Variants in MTUS2 observed in about 807,000 individuals in gnomAD.
MTUS2 encodes microtubule-associated tumor suppressor candidate 2.
MTUS2 carries 40 observed loss-of-function variants against 114.1 expected under a neutral mutation model. That is an observed-to-expected ratio of 0.35 (90% CI 0.27 to 0.46). The LOEUF (loss-of-function observed/expected upper bound fraction) is 0.46, where lower values mean the gene tolerates loss of function less well. Among genes scored for constraint, MTUS2 ranks in the 20% least tolerant of loss-of-function variants. The pLI, the probability that MTUS2 is intolerant of heterozygous loss-of-function variation, is 1.00. For synonymous variants in MTUS2, 688 were observed against 672.0 expected (o/e 1.02, Z -0.37); for missense variants, 1,679 against 1,705.4 (o/e 0.98, Z 0.27).
chr13:29,033,510 A>C (rs751650831), intron 3 of MTUS2, among the ~76,000 whole-genome samples: 1 of 152,168 alleles, frequency 6.6e-6, no homozygotes, highest in African/African-American at 2.4e-5. Context: ...CACAGGTATA[A>C]TAAAACTTTC....
Position 29,503,313 on chromosome 13 carries a change from A to G in MTUS2, c.*107A>G. On this transcript the variant is annotated 3_prime_UTR_variant, in exon 16 of 16. Transcript: ENST00000612955. ...AGCTGGCCCTGTGCGCATGCTCAGTAGCTGCGAATGCATCCTAGGCGCGTC... is the reference window on the plus strand; with the variant it reads ...AGCTGGCCCTGTGCGCATGCTCAGTGGCTGCGAATGCATCCTAGGCGCGTC... 8.0e-7 allele frequency: 1 copy of G among 1,257,004 alleles called. No individual in the cohort carries two copies. The highest frequency in any genetic ancestry group is 1.9e-5 in the Admixed American group (1 of 51,394). 77.9% of individuals were successfully genotyped at this position (1,257,004 alleles called of 1,614,324 possible).
chr13:28,944,974 C>T (rs1882440730), intron 2 of MTUS2, among the ~76,000 whole-genome samples: 1 of 152,164 alleles, frequency 6.6e-6, no homozygotes, highest in Non-Finnish European at 1.5e-5. Flanking sequence ...CTCACCCCCT[C>T]CCACCCTTAA....
chr13:28,820,901 C>T (rs1873852394), intron 1 of MTUS2, among the ~76,000 whole-genome samples: 1 of 152,188 alleles, frequency 6.6e-6, no homozygotes, highest in Non-Finnish European at 1.5e-5. Context: ...CTACCCACCC[C>T]CAGCTTTGGA....
chr13:28,839,225 A>G (rs1280699893), intron 1 of MTUS2, among the ~76,000 whole-genome samples: 1 of 152,186 alleles, frequency 6.6e-6, no homozygotes, highest in East Asian at 1.9e-4. Flanking sequence ...TTTTGAATTG[A>G]AATTTTCTTA....
intron 2 of MTUS2, among the ~76,000 whole-genome samples, chr13:28,879,749 A>G (rs544070565): frequency 7.2e-5 from 11 of 152,160 alleles, no homozygotes; most frequent in African/African-American, 2.7e-4. Context: ...TGGGAGGGAA[A>G]ACTCTCTAAA....
intron 8 of MTUS2, among the ~76,000 whole-genome samples, chr13:29,374,312 G>T (rs1452292658): frequency 1.3e-5 from 2 of 151,478 alleles, no homozygotes; most frequent in Admixed American, 6.6e-5. Flanking sequence ...TCCCAAATTT[G>T]TTGAAAGAAA....
chr13:29,319,067 G>C (rs1900141840), intron 6 of MTUS2, among the ~76,000 whole-genome samples: 2 of 152,098 alleles, frequency 1.3e-5, no homozygotes, highest in South Asian at 4.1e-4. Flanking sequence ...ATGTAGCTCT[G>C]AATCTCCGTA....
At chr13:29,287,868 C>T (rs1474671175) in intron 6 of MTUS2, among the ~76,000 whole-genome samples, 2 of 152,148 alleles carry the variant, frequency 1.3e-5, no homozygotes, top group Admixed American at 1.3e-4. Flanking sequence ...CGATTCCTGT[C>T]CCCACAGGGT....
chr13:29,245,073 G>C (rs1384900379), intron 5 of MTUS2, among the ~76,000 whole-genome samples: 3 of 151,626 alleles, frequency 2.0e-5, no homozygotes, highest in African/African-American at 7.3e-5. Flanking sequence ...ATCCTATAAA[G>C]GGTTAAGTTT....
intron 4 of MTUS2, among the ~76,000 whole-genome samples, chr13:29,089,283 C>T (rs761848457): frequency 3.3e-5 from 5 of 152,256 alleles, no homozygotes; most frequent in East Asian, 1.9e-4. Flanking sequence ...TATAGGGCCC[C>T]GATCTCTTTT....
At chr13:29,365,475 TATG>T in intron 8 of MTUS2, among the ~76,000 whole-genome samples, 1 of 122,096 alleles carries the variant, frequency 8.2e-6, no homozygotes, top group Non-Finnish European at 1.8e-5. Flanking sequence ...TCATCTCACT[TATG>T]CTTTGTCATC....
intron 5 of MTUS2, among the ~76,000 whole-genome samples, chr13:29,138,314 C>G (rs1455747945): frequency 1.3e-5 from 2 of 152,022 alleles, no homozygotes; most frequent in African/African-American, 4.8e-5. Flanking sequence ...ACAGTTACAT[C>G]AGACAGATTC....
At chr13:29,401,297 C>G (rs1182677631) in intron 8 of MTUS2, among the ~76,000 whole-genome samples, 2 of 152,186 alleles carry the variant, frequency 1.3e-5, no homozygotes, top group African/African-American at 2.4e-5. Context: ...AGCCACCATG[C>G]CCGGCCACAA....
intron 2 of MTUS2, among the ~76,000 whole-genome samples, chr13:28,841,672 G>A (rs2137989013): frequency 6.6e-6 from 1 of 151,544 alleles, no homozygotes; most frequent in Non-Finnish European, 1.5e-5. Flanking sequence ...TTGTGTGTGT[G>A]TGTGTTTTTT....
chr13:29,152,087 G>T (rs1381879217), intron 5 of MTUS2, among the ~76,000 whole-genome samples: 2 of 151,824 alleles, frequency 1.3e-5, no homozygotes, highest in Non-Finnish European at 2.9e-5. Flanking sequence ...ATTTTTTTTG[G>T]GGGGGAATAG....
intron 2 of MTUS2, among the ~76,000 whole-genome samples, chr13:28,947,210 T>C (rs1882577259): frequency 6.6e-6 from 1 of 152,168 alleles, no homozygotes; most frequent in South Asian, 2.1e-4. Context: ...CTTTTATGTT[T>C]TGGCTGTTAA....
chr13:28,837,094 A>G (rs1875138688), intron 1 of MTUS2, among the ~76,000 whole-genome samples: 1 of 152,118 alleles, frequency 6.6e-6, no homozygotes, highest in Non-Finnish European at 1.5e-5. Context: ...CTGAATCGAG[A>G]GACCGCTTCT....
At chr13:29,264,289 C>T (rs573386788) in intron 5 of MTUS2, among the ~76,000 whole-genome samples, 1 of 152,228 alleles carries the variant, frequency 6.6e-6, no homozygotes, top group East Asian at 1.9e-4. Flanking sequence ...GGTAGCTCCC[C>T]CACTGTGGCT....
At chr13:29,090,643 G>C (rs1217027332) in intron 4 of MTUS2, among the ~76,000 whole-genome samples, 2 of 152,272 alleles carry the variant, frequency 1.3e-5, no homozygotes, top group Admixed American at 1.3e-4. Flanking sequence ...AGGCTGTACT[G>C]CATGTGGGCA....
Sources: allele counts gnomAD v4.1 joint callset (sites outside exome capture counted in the v4.1 genomes callset), GRCh38; gene constraint gnomAD v4.1.1; transcripts MANE v1.5; gene names NCBI Gene and HGNC (gene_info 2026-07-23, HGNC 2026-07-21).